The following EIF2D variants were observed in gnomAD, a reference collection of about 807,000 sequenced individuals.
The protein encoded by EIF2D is eukaryotic translation initiation factor 2D, also known as hepatocellular carcinoma-associated antigen 56.
EIF2D carries 56 observed loss-of-function variants against 77.4 expected under a neutral mutation model. That is an observed-to-expected ratio of 0.72 (90% CI 0.58 to 0.90). The LOEUF is 0.90. Ranked by LOEUF, EIF2D falls within the 40% of genes least tolerant of loss-of-function variation. EIF2D has a pLI of 0.00. For synonymous variants in EIF2D, 230 were observed against 271.0 expected, an observed-to-expected ratio of 0.85 and a Z score of 1.49; for missense variants, 574 against 706.5, an observed-to-expected ratio of 0.81 and a Z score of 2.13.
intron 4 of EIF2D, among the ~76,000 whole-genome samples, chr1:206,580,134 C>T (rs2103564551): frequency 6.6e-6 from 1 of 152,246 alleles, no homozygotes; most frequent in East Asian, 1.9e-4. Context: ...CACTTCCCCG[C>T]GTTTGTGGTG....
downstream of EIF2D, among the ~76,000 whole-genome samples, chr1:206,589,949 C>A (rs1553408633): frequency 6.6e-6 from 1 of 152,120 alleles, no homozygotes; most frequent in African/African-American, 2.4e-5. Flanking sequence ...CATCTAAACC[C>A]CCAAGAAATG....
intron 4 of EIF2D, among the ~76,000 whole-genome samples, chr1:206,577,676 G>A (rs1175940965): frequency 6.6e-6 from 1 of 152,150 alleles, no homozygotes; most frequent in Non-Finnish European, 1.5e-5. Context: ...GACAGGCGTG[G>A]GTGCTTCTCT....
Position 206,602,347 on chromosome 1 carries a change from C to T in EIF2D, c.891G>A (p.Met297Ile), listed in dbSNP as rs1553411447. Residue 297 changes from methionine (M) to isoleucine (I), a missense_variant, in exon 7 of 15, where the codon ATG (methionine) becomes ATA (isoleucine). Coordinates refer to ENST00000271764, the MANE Select transcript of EIF2D (RefSeq NM_006893.3). ...AGTGCTTTCCATACCAGCAGGAGAACATGTGGCTGCCAAGGAAAGTGCTGG... is the reference window on the plus strand; with the variant it reads ...AGTGCTTTCCATACCAGCAGGAGAATATGTGGCTGCCAAGGAAAGTGCTGG... ...LLTSTFLGSH[M>I]FSCCPEGRQL... is the part of the protein sequence containing the mutation. The T allele has an allele frequency of 2.5e-6, 4 of 1,614,120 alleles. No homozygotes were observed. In the Admixed American group the frequency reaches 5.0e-5, roughly 20 times the overall value.
In EIF2D at chr1:206,584,655, T is replaced by A; in HGVS notation, c.139-3493A>T. 6.2e-7 allele frequency: 1 copy of A among 1,614,210 alleles called. No individual in the cohort carries two copies. The highest frequency in any genetic ancestry group is 8.5e-7 in the Non-Finnish European group (1 of 1,180,046). ...GTGGACAATCCCCAGAAGTTTGCAC[T>A]TTTTAAGCGGATACACAAGGACGGA... On this transcript the variant is annotated intron_variant and NMD_transcript_variant, in intron 2 of 5. Transcript: ENST00000472709. The surrounding 1 kb of genome is among the most constrained non-coding windows in gnomAD (Gnocchi z 4.9).
chr1:206,585,087 A>C (rs1572374451), intron 2 of EIF2D: 1 of 866,032 alleles, frequency 1.2e-6, no homozygotes, highest in Non-Finnish European at 1.9e-6. Context: ...AGTTGTACGT[A>C]CCCCACCTCT....
chr1:206,588,232 C>T (rs1669207267), downstream of EIF2D: 1 of 152,796 alleles, frequency 6.5e-6, no homozygotes, highest in Non-Finnish European at 1.5e-5. Context: ...GTGTGGGAGA[C>T]AAGGCCAGGA....
At position 206,591,777 on chromosome 1, in the gene EIF2D, A is replaced by G. The variant is rs782287764; in HGVS notation, c.1753T>C (p.Ter585ArgextTer19). 2 of 1,614,156 alleles carry G rather than the reference A, an allele frequency of 1.2e-6. No homozygotes were observed. The highest frequency in any genetic ancestry group is 1.7e-6 in the Non-Finnish European group (2 of 1,179,962). Residue 585 changes from the stop codon to arginine, a stop_lost, in exon 15 of 15, where the codon TGA becomes CGA. Coordinates refer to ENST00000271764, the MANE Select transcript of EIF2D (RefSeq NM_006893.3). ...EKALKPGKKK[*>R] is the part of the protein sequence containing the mutation. ...ACCACGTGAGACAAAAGAGTCTGTC[A>G]CTTCTTCTTGCCAGGTTTGAGGGCC...
At chr1:206,588,705 A>G (rs1553408277), downstream of EIF2D, 1 of 152,594 alleles carries the variant, frequency 6.6e-6, no homozygotes, top group Non-Finnish European at 1.5e-5. Context: ...AGGCAACACA[A>G]GCTCGCAACT....
At chr1:206,596,271 T>C (rs1553410030) in intron 12 of EIF2D, among the ~76,000 whole-genome samples, 3 of 152,250 alleles carry the variant, frequency 2.0e-5, no homozygotes, top group Non-Finnish European at 4.4e-5. Context: ...GAGGAGTTTC[T>C]ACCTTTTATC....
intron 2 of EIF2D, chr1:206,585,418 G>C (rs1669074119): frequency 4.1e-6 from 3 of 736,766 alleles, no homozygotes; most frequent in Middle Eastern, 2.9e-4. Flanking sequence ...GGTGACTGTT[G>C]AGAGAGTGAG....
At chr1:206,602,686 T>C (rs546288175) in intron 6 of EIF2D, 28 of 642,582 alleles carry the variant, frequency 4.4e-5, no homozygotes, top group East Asian at 1.4e-4. Flanking sequence ...CCCAGAGAAG[T>C]TGAGCCAGAA....
At chr1:206,588,338 A>G (rs1669212575), downstream of EIF2D, 1 of 152,430 alleles carries the variant, frequency 6.6e-6, no homozygotes, top group African/African-American at 2.4e-5. Flanking sequence ...CCACATTGAC[A>G]GGGAGGATCA....
At chr1:206,596,607 C>T (rs1260614596) in intron 12 of EIF2D, among the ~76,000 whole-genome samples, 1 of 152,072 alleles carries the variant, frequency 6.6e-6, no homozygotes, top group Non-Finnish European at 1.5e-5. Context: ...GACACTTTTC[C>T]CCAGCCTTCT....
Position 206,606,745 on chromosome 1 carries a change from A to C in EIF2D, c.423-1238T>G, listed in dbSNP as rs564126101. ...GCTCTTTCCTTCTCTCTCAAAGAAG[A>C]AATTATCAAAATAATGAGTCCACCT... is the stretch of plus-strand genomic sequence containing the variant. On this transcript the variant is annotated intron_variant, in intron 4 of 14. Coordinates refer to ENST00000271764, the MANE Select transcript of EIF2D (RefSeq NM_006893.3). Among the ~76,000 whole-genome samples, 137 of 152,352 alleles carry C rather than the reference A, an allele frequency of 9.0e-4. 1 individual carries two copies. The highest frequency in any genetic ancestry group is 3.2e-3 in the African/African-American group (133 of 41,588).
At chr1:206,609,015 G>A (rs541997756) in intron 3 of EIF2D, among the ~76,000 whole-genome samples, 155 of 151,638 alleles carry the variant, frequency 1.0e-3, no homozygotes, top group Non-Finnish European at 1.4e-3. Context: ...TCATGCCACT[G>A]CACTCCAGCC....
intron 11 of EIF2D, among the ~76,000 whole-genome samples, chr1:206,597,597 A>G (rs12076598): frequency 0.46 from 70,381 of 151,838 alleles, 16,421 homozygotes; most frequent in South Asian, 0.54. Flanking sequence ...CGGGAGGATC[A>G]CCTGAGGTCA....
chr1:206,589,610 G>A (rs1270265027), downstream of EIF2D, among the ~76,000 whole-genome samples: 3 of 152,122 alleles, frequency 2.0e-5, no homozygotes, highest in African/African-American at 7.2e-5. Context: ...CTACTGAGCT[G>A]AGCCATGATT....
In EIF2D at chr1:206,592,559, T is replaced by G. The variant is rs1218658320; in HGVS notation, c.1685-714A>C. Among the ~76,000 whole-genome samples the G allele has an allele frequency of 2.6e-5, 4 of 152,142 alleles. No homozygotes were observed. Among genetic ancestry groups the G allele is most frequent in the Admixed American group, 1.3e-4 (2 of 15,274 alleles). On this transcript the variant is annotated intron_variant, in intron 14 of 14. Transcript: ENST00000271764. The surrounding 1 kb of genome is among the most constrained non-coding windows in gnomAD (Gnocchi z 4.7). ...AGAACTGCAAGGAGACCAGGACAGC[T>G]GGTGCCTGCAACATGGGTGTAGGAG...
chr1:206,593,963 ATTG>A, intron 13 of EIF2D, 170 bp from the exon 14 acceptor site: 1 of 552,398 alleles, frequency 1.8e-6, no homozygotes, highest in Non-Finnish European at 3.1e-6. Flanking sequence ...GTGCTTCTAA[ATTG>A]ATTCTGTCTA....
Sources: allele counts gnomAD v4.1 joint callset (sites outside exome capture counted in the v4.1 genomes callset), GRCh38; gene constraint gnomAD v4.1.1; non-coding constraint Gnocchi (gnomAD v3.1); transcripts MANE v1.5; gene names NCBI Gene and HGNC (gene_info 2026-07-23, HGNC 2026-07-21).